The following STAG1 variants were observed in gnomAD, a reference collection of about 807,000 sequenced individuals.
STAG1 encodes the protein STAG1 cohesin complex component.
In STAG1, 26 loss-of-function variants were observed where a neutral mutation model predicts 170.9. The ratio of observed to expected loss-of-function variants is 0.15; its 90% CI spans 0.11 to 0.21. STAG1 has a LOEUF of 0.21. STAG1 is among the 10% of genes least tolerant of loss of function. The pLI is 1.00. For missense variants in STAG1, 964 were observed against 1,509.5 expected (o/e 0.64, Z 5.99); for synonymous variants, 514 against 497.7 (o/e 1.03, Z -0.44).
At chr3:136,661,294 C>T (rs1338961489) in intron 1 of STAG1, among the ~76,000 whole-genome samples, 2 of 152,182 alleles carry the variant, frequency 1.3e-5, no homozygotes, top group African/African-American at 4.8e-5. Context: ...TCACCCTTTA[C>T]TTCAACTCTG....
chr3:136,399,949 G>T lies in STAG1; in HGVS notation c.2197-1120C>A, dbSNP rs146922825. ...AACTTTCTTTTTTTTTTGAGACAGGGTCTCACTTTGTCACTCAGGCTGGAG... is the reference window on the plus strand; with the variant it reads ...AACTTTCTTTTTTTTTTGAGACAGGTTCTCACTTTGTCACTCAGGCTGGAG... On this transcript the variant is annotated intron_variant, in intron 21 of 33. Coordinates refer to ENST00000383202, the MANE Select transcript of STAG1 (RefSeq NM_005862.3). Among the ~76,000 whole-genome samples the T allele has an allele frequency of 6.4e-3, 978 of 151,924 alleles. 12 individuals are homozygous for T. The highest frequency in any genetic ancestry group is 0.022 in the African/African-American group (930 of 41,464).
In STAG1 at chr3:136,535,645, AAAGT is replaced by A. The variant is rs753267446; in HGVS notation, c.471+6470_471+6473del. ...GCCACTGCACTCCAGCCTAGGCAACAAAGTGAGACTCTGTCTCAAAACAAACAAA... is the reference window on the plus strand; with the variant it reads ...GCCACTGCACTCCAGCCTAGGCAACAGAGACTCTGTCTCAAAACAAACAAA... On this transcript the variant is annotated intron_variant, in intron 6 of 33. Coordinates refer to ENST00000383202, the MANE Select transcript of STAG1 (RefSeq NM_005862.3). Among the ~76,000 whole-genome samples the A allele has an allele frequency of 6.9e-4, 105 of 152,240 alleles. 3 individuals carry two copies. The highest frequency in any genetic ancestry group is 1.4e-3 in the Non-Finnish European group (93 of 68,046).
chr3:136,752,038 C>G (rs987335548), intron 1 of STAG1, among the ~76,000 whole-genome samples, 157 bp downstream of exon 1: 1 of 150,978 alleles, frequency 6.6e-6, no homozygotes, highest in African/African-American at 2.4e-5. Context: ...CTCCCTCCCC[C>G]GCACGGGGCC....
chr3:136,667,818 A>G (rs1316090817), intron 1 of STAG1, among the ~76,000 whole-genome samples: 3 of 152,128 alleles, frequency 2.0e-5, no homozygotes, highest in African/African-American at 4.8e-5. Flanking sequence ...TTTTTAAACC[A>G]TAAGAATGAA....
At chr3:136,347,653 A>G (rs1484942822) in intron 29 of STAG1, among the ~76,000 whole-genome samples, 1 of 151,946 alleles carries the variant, frequency 6.6e-6, no homozygotes, top group African/African-American at 2.4e-5. Context: ...CAAGGTTAAA[A>G]AAAGAAAAGG....
intron 12 of STAG1, 104 bp downstream of exon 12, chr3:136,472,309 G>A (rs2089647193): frequency 3.4e-6 from 2 of 590,252 alleles, no homozygotes; most frequent in African/African-American, 3.8e-5. Context: ...AACCTAAAAT[G>A]ATAAACATAT....
At position 136,580,622 on chromosome 3, in the gene STAG1, T is replaced by C. The variant is rs1490144666; in HGVS notation, c.298-11761A>G. The stretch of plus-strand genomic sequence containing the variant: ...AATCTCGGCTCACTGCAAGCTCCGC[T>C]TCCCGGGTTCACGCCATTCTCCTGC... On this transcript the variant is annotated intron_variant, in intron 4 of 33. Coordinates refer to ENST00000383202, the MANE Select transcript of STAG1 (RefSeq NM_005862.3). Among the ~76,000 whole-genome samples, 15 of 146,752 alleles carry C rather than the reference T, an allele frequency of 1.0e-4. No individual in the cohort carries two copies. The East Asian group carries it at 3.2e-3, about 31-fold the overall frequency.
intron 1 of STAG1, among the ~76,000 whole-genome samples, chr3:136,722,842 C>A (rs1933376940): frequency 6.6e-6 from 1 of 152,136 alleles, no homozygotes; most frequent in Non-Finnish European, 1.5e-5. Flanking sequence ...CAGGCGCGCG[C>A]CACCACGCCT....
At chr3:136,645,089 T>A (rs1319682437) in intron 1 of STAG1, among the ~76,000 whole-genome samples, 2 of 152,202 alleles carry the variant, frequency 1.3e-5, no homozygotes, top group African/African-American at 4.8e-5. Context: ...CTCTACTGGC[T>A]AAATAGTGTA....
At chr3:136,746,752 C>T (rs1934952958) in intron 1 of STAG1, among the ~76,000 whole-genome samples, 1 of 152,216 alleles carries the variant, frequency 6.6e-6, no homozygotes, top group Non-Finnish European at 1.5e-5. Flanking sequence ...AGTTCGAGAC[C>T]AGCCTGGCCT....
intron 28 of STAG1, among the ~76,000 whole-genome samples, chr3:136,352,091 G>T (rs958147171): frequency 2.0e-5 from 3 of 151,622 alleles, no homozygotes; most frequent in African/African-American, 7.3e-5. Flanking sequence ...AACCTCTAGG[G>T]GGCAGATAAT....
At chr3:136,570,253 T>C (rs1340117926) in intron 4 of STAG1, among the ~76,000 whole-genome samples, 4 of 152,216 alleles carry the variant, frequency 2.6e-5, no homozygotes. Context: ...TACTGATGCA[T>C]ATTACCATGA....
In STAG1 at chr3:136,337,507, A is replaced by G. The variant is rs770638624; in HGVS notation, c.*747T>C. 2 of 152,678 alleles carry G rather than the reference A, an allele frequency of 1.3e-5. No individual in the cohort carries two copies. Among genetic ancestry groups the G allele is most frequent in the East Asian group, 1.9e-4 (1 of 5,204 alleles). 9.5% of individuals were successfully genotyped at this position (152,678 alleles called of 1,614,324 possible). ...TTTGAATCTCCCTAGTCTATATAAA[A>G]TGAACGGTGTACAGCATCTGTTGGA... On this transcript the variant is annotated 3_prime_UTR_variant, in exon 34 of 34. Coordinates refer to ENST00000383202, the MANE Select transcript of STAG1 (RefSeq NM_005862.3).
intron 16 of STAG1, among the ~76,000 whole-genome samples, chr3:136,426,106 A>G (rs1165708330): frequency 4.6e-5 from 7 of 151,618 alleles, no homozygotes; most frequent in Admixed American, 3.9e-4. Flanking sequence ...ATTTGCAACA[A>G]TTAAAAAAAA....
intron 14 of STAG1, among the ~76,000 whole-genome samples, chr3:136,444,739 A>G (rs956421191): frequency 1.3e-5 from 2 of 152,208 alleles, no homozygotes; most frequent in African/African-American, 4.8e-5. Context: ...AGTGGCCCAA[A>G]AGTATGAAAG....
chr3:136,540,075 A>G (rs1935815104), intron 6 of STAG1, among the ~76,000 whole-genome samples: 1 of 151,824 alleles, frequency 6.6e-6, no homozygotes, highest in Admixed American at 6.6e-5. Flanking sequence ...AACCTCCTCA[A>G]CTCCCACAAA....
At chr3:136,463,011 T>C (rs911834462) in intron 13 of STAG1, among the ~76,000 whole-genome samples, 3 of 152,114 alleles carry the variant, frequency 2.0e-5, no homozygotes, top group Non-Finnish European at 2.9e-5. Flanking sequence ...CTTTGAAAAG[T>C]AGAGAATAGA....
intron 1 of STAG1, among the ~76,000 whole-genome samples, chr3:136,670,297 T>TG (rs1941936397): frequency 6.6e-6 from 1 of 152,150 alleles, no homozygotes; most frequent in African/African-American, 2.4e-5. Context: ...CAAGTGACAA[T>TG]GCCATGGAAA....
At chr3:136,718,837 G>A (rs930131343) in intron 1 of STAG1, among the ~76,000 whole-genome samples, 37 of 152,202 alleles carry the variant, frequency 2.4e-4, no homozygotes, top group Admixed American at 2.0e-3. Context: ...TGATGCAAGA[G>A]AATCACTTGA....
Sources: allele counts gnomAD v4.1 joint callset (sites outside exome capture counted in the v4.1 genomes callset), GRCh38; gene constraint gnomAD v4.1.1; transcripts MANE v1.5; gene names NCBI Gene and HGNC (gene_info 2026-07-23, HGNC 2026-07-21).